Variants in WWOX observed in about 807,000 individuals in gnomAD.
WWOX encodes the protein WW domain-containing oxidoreductase.
WWOX carries 69 observed loss-of-function variants against 46.2 expected under a neutral mutation model. The observed-to-expected ratio is 1.49, with a 90% CI of 1.23 to 1.82. WWOX has a LOEUF of 1.82. Ranked by LOEUF, WWOX falls within the 40% of genes most tolerant of loss-of-function variation. The probability of loss-of-function intolerance (pLI) is 0.00; values close to 1 mark genes in which losing one functional copy is unlikely to be tolerated. For synonymous variants in WWOX, 359 were observed against 202.6 expected (o/e 1.77, Z -6.56); for missense variants, 919 against 542.6 (o/e 1.69, Z -6.89).
chr16:78,629,967 C>T (rs1007309345), intron 8 of WWOX, among the ~76,000 whole-genome samples: 3 of 152,222 alleles, frequency 2.0e-5, no homozygotes, highest in Middle Eastern at 3.4e-3. Context: ...CCTTTTCCAG[C>T]AACTGTATTT....
rs1000318984 is a variant in WWOX, at chr16:78,636,600, C to T, written c.1056+203848C>T. On this transcript the variant is annotated intron_variant, in intron 8 of 8. Coordinates refer to ENST00000566780, the MANE Select transcript of WWOX (RefSeq NM_016373.4). The stretch of plus-strand genomic sequence containing the variant: ...GTAATGACCCTCTTTTCTCTCACTC[C>T]ATGGGAACTTTTAAAACTGATAATT... Among the ~76,000 whole-genome samples the T allele has an allele frequency of 3.3e-5, 5 of 152,138 alleles. No homozygotes were observed. The East Asian group carries it at 7.7e-4, about 23-fold the overall frequency.
intron 8 of WWOX, among the ~76,000 whole-genome samples, chr16:78,888,935 C>G (rs2044527417): frequency 6.7e-6 from 1 of 150,256 alleles, no homozygotes; most frequent in African/African-American, 2.5e-5. Flanking sequence ...TCCTTTTTCC[C>G]CAAGCCCCAT....
intron 5 of WWOX, among the ~76,000 whole-genome samples, chr16:78,365,538 G>A (rs760365129): frequency 6.6e-6 from 1 of 152,138 alleles, no homozygotes; most frequent in Non-Finnish European, 1.5e-5. Context: ...CTGCTGGAAG[G>A]TCCATATGTG....
At chr16:78,163,504 C>G (rs898249339) in intron 4 of WWOX, among the ~76,000 whole-genome samples, 1 of 152,202 alleles carries the variant, frequency 6.6e-6, no homozygotes, top group African/African-American at 2.4e-5. Context: ...AGGCTTCCAA[C>G]CACTATGTTT....
intron 8 of WWOX, among the ~76,000 whole-genome samples, chr16:78,945,476 G>C (rs1184238537): frequency 2.6e-5 from 4 of 152,124 alleles, no homozygotes; most frequent in Non-Finnish European, 5.9e-5. Context: ...AAAAAGTTTT[G>C]GGGTTTGTTT....
At chr16:78,853,386 T>C (rs2052495111) in intron 8 of WWOX, among the ~76,000 whole-genome samples, 1 of 152,170 alleles carries the variant, frequency 6.6e-6, no homozygotes, top group South Asian at 2.1e-4. Flanking sequence ...CTGATTTTTG[T>C]ATTTTTAGTA....
intron 5 of WWOX, among the ~76,000 whole-genome samples, chr16:78,327,905 C>G (rs952354813): frequency 1.3e-5 from 1 of 77,790 alleles, no homozygotes; most frequent in Non-Finnish European, 2.4e-5. Context: ...TTGAGATGAT[C>G]TTCTTCTGTT....
intron 8 of WWOX, among the ~76,000 whole-genome samples, chr16:79,136,932 G>A (rs1274108648): frequency 6.6e-6 from 1 of 152,220 alleles, no homozygotes; most frequent in Admixed American, 6.5e-5. Context: ...TCAATTACAT[G>A]TGATTAATCC....
intron 6 of WWOX, among the ~76,000 whole-genome samples, chr16:78,419,125 G>A (rs185135973): frequency 7.6e-4 from 116 of 152,224 alleles, no homozygotes; most frequent in African/African-American, 2.5e-3. Flanking sequence ...TTTAATATGC[G>A]TAAGTCAATT....
At chr16:78,529,106 A>G (rs906160381) in intron 8 of WWOX, among the ~76,000 whole-genome samples, 4 of 151,386 alleles carry the variant, frequency 2.6e-5, no homozygotes, top group East Asian at 3.9e-4. Context: ...GGTGCACACT[A>G]CCATGCCCAG....
At chr16:78,912,567 G>A (rs8060900) in intron 8 of WWOX, among the ~76,000 whole-genome samples, 139,520 of 152,000 alleles carry the variant, frequency 0.92, 65,241 homozygotes, top group East Asian at 1. Flanking sequence ...AACCAGCAGG[G>A]TTATATCCCC....
intron 8 of WWOX, among the ~76,000 whole-genome samples, chr16:79,022,647 C>T (rs1307658549): frequency 6.6e-6 from 1 of 152,114 alleles, no homozygotes; most frequent in East Asian, 1.9e-4. Flanking sequence ...TTGTGGCATT[C>T]ATGTAATTGG....
chr16:79,025,250 C>G (rs2047614947), intron 8 of WWOX, among the ~76,000 whole-genome samples: 1 of 152,190 alleles, frequency 6.6e-6, no homozygotes, highest in African/African-American at 2.4e-5. Context: ...TTGCAGTTAT[C>G]TGGGAAGGAG....
At chr16:78,962,176 T>C (rs993364363) in intron 8 of WWOX, among the ~76,000 whole-genome samples, 6 of 152,006 alleles carry the variant, frequency 3.9e-5, no homozygotes, top group Non-Finnish European at 8.8e-5. Flanking sequence ...AGCCTAGGCT[T>C]TAATGAGGAC....
chr16:78,304,897 C>G (rs1324827828), intron 5 of WWOX, among the ~76,000 whole-genome samples: 1 of 152,180 alleles, frequency 6.6e-6, no homozygotes, highest in Non-Finnish European at 1.5e-5. Flanking sequence ...CCCCATTTTC[C>G]TCACTATCCA....
chr16:78,487,077 T>C (rs968543136), intron 8 of WWOX, among the ~76,000 whole-genome samples: 1 of 152,192 alleles, frequency 6.6e-6, no homozygotes, highest in South Asian at 2.1e-4. Flanking sequence ...TGTAGTGATA[T>C]TAAGGACAAC....
At chr16:78,635,245 C>T (rs980483504) in intron 8 of WWOX, among the ~76,000 whole-genome samples, 2 of 152,168 alleles carry the variant, frequency 1.3e-5, no homozygotes, top group African/African-American at 2.4e-5. Context: ...GAGACCCTTT[C>T]AATCTAAACC....
intron 5 of WWOX, among the ~76,000 whole-genome samples, chr16:78,360,564 C>T (rs1244701307): frequency 3.3e-5 from 4 of 122,078 alleles, no homozygotes; most frequent in South Asian, 2.5e-4. Flanking sequence ...CCAGTCTGGG[C>T]GACAGAGTGA....
intron 5 of WWOX, among the ~76,000 whole-genome samples, chr16:78,380,867 T>C (rs1317266006): frequency 6.6e-6 from 1 of 152,166 alleles, no homozygotes. Flanking sequence ...TGGAAAACAA[T>C]GGTCATCACA....
Sources: allele counts gnomAD v4.1 joint callset (sites outside exome capture counted in the v4.1 genomes callset), GRCh38; gene constraint gnomAD v4.1.1; transcripts MANE v1.5; gene names NCBI Gene and HGNC (gene_info 2026-07-23, HGNC 2026-07-21).